SLC67A1: variants seen among roughly 807,000 people sequenced by gnomAD.
SLC67A1 encodes the protein solute carrier family 67 member A1.
At chr11:2,915,007 A>G in the SLC67A1 span, 1 of 985,312 alleles carries the variant, frequency 1.0e-6, no homozygotes, top group African/African-American at 1.7e-5. Context: ...GCAGCCAGAA[A>G]ACCTGAGTAG....
the SLC67A1 span, chr11:2,924,889 G>A: frequency 1.2e-6 from 1 of 829,492 alleles, no homozygotes. This position sits in a 1 kb window ranked among gnomAD's most constrained non-coding sequence, Gnocchi z 8.6. Context: ...TATGCAAGGT[G>A]CGGACTGCGC....
chr11:2,922,188 G>C, the SLC67A1 span: 5 of 1,613,450 alleles, frequency 3.1e-6, no homozygotes, highest in Non-Finnish European at 4.2e-6. Flanking sequence ...TCTTCATCGT[G>C]GTGGGCCTGG....
chr11:2,915,254 C>T, the SLC67A1 span: 8,205 of 984,588 alleles, frequency 8.3e-3, 37 homozygotes, highest in Non-Finnish European at 9.2e-3. Flanking sequence ...CAAACGGATG[C>T]AGGTAAGTGT....
At chr11:2,913,026 T>C in the SLC67A1 span, among the ~76,000 whole-genome samples, 2 of 151,862 alleles carry the variant, frequency 1.3e-5, no homozygotes, top group Non-Finnish European at 2.9e-5. Flanking sequence ...CAGTGTCCCA[T>C]ACGACCCAGG....
chr11:2,918,131 C>G, the SLC67A1 span: 1 of 1,542,414 alleles, frequency 6.5e-7, no homozygotes, highest in Non-Finnish European at 8.9e-7. Context: ...GCGGCCAGAG[C>G]CTGGCAGAGT....
chr11:2,914,400 G>A, the SLC67A1 span, among the ~76,000 whole-genome samples: 36 of 152,150 alleles, frequency 2.4e-4, no homozygotes, highest in Non-Finnish European at 4.6e-4. Context: ...GCTGTCCGGC[G>A]TGCAGAGGCC....
chr11:2,912,454 C>T, the SLC67A1 span, among the ~76,000 whole-genome samples: 12 of 152,252 alleles, frequency 7.9e-5, no homozygotes, highest in Non-Finnish European at 1.5e-4. Context: ...GAACATCCCC[C>T]GCCTTGCAGC....
chr11:2,905,060 G>C, the SLC67A1 span, among the ~76,000 whole-genome samples: 2 of 152,208 alleles, frequency 1.3e-5, no homozygotes, highest in Admixed American at 6.5e-5. Flanking sequence ...ATGGACAGGA[G>C]GAGAGGGAAA....
At chr11:2,907,797 TG>T in the SLC67A1 span, among the ~76,000 whole-genome samples, 1 of 152,202 alleles carries the variant, frequency 6.6e-6, no homozygotes, top group Non-Finnish European at 1.5e-5. The surrounding 1 kb of genome is among the most constrained non-coding windows in gnomAD (Gnocchi z 6.7). Flanking sequence ...GCTGAAGGGC[TG>T]GGGCCTCACA....
chr11:2,919,393 G>T, the SLC67A1 span: 14 of 1,613,356 alleles, frequency 8.7e-6, no homozygotes, highest in South Asian at 1.5e-4. Flanking sequence ...GTCCTTCTTC[G>T]GGCTCCTCCA....
the SLC67A1 span, chr11:2,922,340 G>A: frequency 1.3e-6 from 2 of 1,549,958 alleles, no homozygotes; most frequent in East Asian, 4.7e-5. Flanking sequence ...CTTCAGCAGG[G>A]ACAGCAGTCA....
At chr11:2,919,163 G>A in the SLC67A1 span, 6 of 630,956 alleles carry the variant, frequency 9.5e-6, no homozygotes, top group Admixed American at 2.7e-5. Context: ...TCATTGGCCC[G>A]GCTGGCATCA....
At chr11:2,924,373 C>T in the SLC67A1 span, among the ~76,000 whole-genome samples, 426 of 152,184 alleles carry the variant, frequency 2.8e-3, 2 homozygotes, top group Non-Finnish European at 4.0e-3. This position sits in a 1 kb window ranked among gnomAD's most constrained non-coding sequence, Gnocchi z 8.6. Flanking sequence ...GTAGGAGCTC[C>T]GCAGGGTGGG....
the SLC67A1 span, among the ~76,000 whole-genome samples, chr11:2,900,135 C>T: frequency 7.3e-5 from 11 of 151,706 alleles, no homozygotes; most frequent in African/African-American, 2.4e-4. Context: ...GGGCTCTCGG[C>T]TTGACTGCAC....
chr11:2,916,830 GC>G, the SLC67A1 span: 1 of 1,109,392 alleles, frequency 9.0e-7, no homozygotes, highest in Non-Finnish European at 1.4e-6. Flanking sequence ...GGTACGGGGG[GC>G]CTGAGGGGAA....
the SLC67A1 span, among the ~76,000 whole-genome samples, chr11:2,912,429 G>A: frequency 6.6e-6 from 1 of 152,278 alleles, no homozygotes; most frequent in Non-Finnish European, 1.5e-5. Flanking sequence ...CGGGGCAGGA[G>A]TCTGGTGCAG....
the SLC67A1 span, among the ~76,000 whole-genome samples, chr11:2,918,404 G>T: frequency 2.6e-4 from 40 of 152,260 alleles, no homozygotes; most frequent in African/African-American, 8.9e-4. Context: ...AGCCTGAGAT[G>T]CAGGGACAGC....
At chr11:2,901,235 G>A in the SLC67A1 span, among the ~76,000 whole-genome samples, 882 of 152,350 alleles carry the variant, frequency 5.8e-3, 5 homozygotes, top group African/African-American at 0.02. Flanking sequence ...GCTGCTGAAC[G>A]AAGGGTAGCT....
chr11:2,925,245 G>C, the SLC67A1 span: 10 of 1,554,892 alleles, frequency 6.4e-6, no homozygotes, highest in Non-Finnish European at 8.8e-6. The surrounding 1 kb of genome is among the most constrained non-coding windows in gnomAD (Gnocchi z 6.5). Flanking sequence ...AAATCCCTCC[G>C]ACCTCTTCCG....
Sources: allele counts gnomAD v4.1 joint callset (sites outside exome capture counted in the v4.1 genomes callset), GRCh38; gene constraint gnomAD v4.1.1; non-coding constraint Gnocchi (gnomAD v3.1); transcripts MANE v1.5; gene names NCBI Gene and HGNC (gene_info 2026-07-23, HGNC 2026-07-21).